The following ANKRD45 variants were observed in gnomAD, a reference collection of about 807,000 sequenced individuals.
The protein encoded by ANKRD45 is ankyrin repeat domain 45.
A neutral mutation model predicts 28.1 loss-of-function variants in ANKRD45; 21 were observed. That is an observed-to-expected ratio of 0.75 (90% CI 0.53 to 1.08). The LOEUF is 1.08. Ranked by LOEUF, ANKRD45 falls within the 50% of genes least tolerant of loss-of-function variation. ANKRD45 has a pLI of 0.00. For synonymous variants in ANKRD45, 86 were observed against 103.9 expected (o/e 0.83, Z 1.05); for missense variants, 261 against 308.7 (o/e 0.85, Z 1.16).
intron 3 of ANKRD45, among the ~76,000 whole-genome samples, chr1:173,641,948 G>A (rs999895479): frequency 6.6e-6 from 1 of 152,212 alleles, no homozygotes; most frequent in Non-Finnish European, 1.5e-5. Context: ...AGGGATAGCT[G>A]AGCAAATAAG....
chr1:173,706,485 C>T, the ANKRD45 span, among the ~76,000 whole-genome samples: 38 of 151,538 alleles, frequency 2.5e-4, no homozygotes, highest in African/African-American at 8.7e-4. Context: ...ATTACAGGTG[C>T]CCACGACCAT....
At chr1:173,623,882 T>C (rs777845819) in intron 5 of ANKRD45, among the ~76,000 whole-genome samples, 2 of 143,762 alleles carry the variant, frequency 1.4e-5, no homozygotes, top group Admixed American at 7.6e-5. Context: ...CACTGTATGT[T>C]CTCACTTGTA....
chr1:173,712,274 A>G, the ANKRD45 span, among the ~76,000 whole-genome samples: 1 of 152,152 alleles, frequency 6.6e-6, no homozygotes, highest in African/African-American at 2.4e-5. Context: ...ACCAACAAAA[A>G]CCCTCAAACA....
At chr1:173,688,228 G>T in the ANKRD45 span, among the ~76,000 whole-genome samples, 1 of 151,952 alleles carries the variant, frequency 6.6e-6, no homozygotes, top group Non-Finnish European at 1.5e-5. Context: ...ACCAATTATG[G>T]GTTTTTAATT....
chr1:173,695,482 A>G, the ANKRD45 span, among the ~76,000 whole-genome samples: 3 of 152,052 alleles, frequency 2.0e-5, no homozygotes, highest in Non-Finnish European at 4.4e-5. Context: ...GTGTTAATTC[A>G]CTTAGGATAT....
chr1:173,702,931 G>T, the ANKRD45 span, among the ~76,000 whole-genome samples: 2 of 151,910 alleles, frequency 1.3e-5, no homozygotes, highest in African/African-American at 4.8e-5. Flanking sequence ...TTGCTATGCT[G>T]CCCAGGCTTG....
chr1:173,706,721 C>CT, the ANKRD45 span, among the ~76,000 whole-genome samples: 6 of 152,102 alleles, frequency 3.9e-5, no homozygotes, highest in African/African-American at 1.4e-4. Flanking sequence ...TAATAAGAGT[C>CT]TTTTAGATTC....
chr1:173,693,363 T>C, the ANKRD45 span, among the ~76,000 whole-genome samples: 15 of 152,228 alleles, frequency 9.9e-5, no homozygotes, highest in African/African-American at 3.6e-4. Context: ...TGTTATTCTT[T>C]GTTATTCTTT....
intron 5 of ANKRD45, among the ~76,000 whole-genome samples, chr1:173,611,352 T>C (rs1261259738): frequency 6.6e-6 from 1 of 152,184 alleles, no homozygotes; most frequent in African/African-American, 2.4e-5. Context: ...ACAAACTAAG[T>C]GGTAGGCTCC....
At chr1:173,710,662 A>T in the ANKRD45 span, among the ~76,000 whole-genome samples, 476 of 152,228 alleles carry the variant, frequency 3.1e-3, 2 homozygotes, top group African/African-American at 0.011. Flanking sequence ...TTGCCCTTTA[A>T]TGCACATGCT....
the ANKRD45 span, among the ~76,000 whole-genome samples, chr1:173,697,798 C>T: frequency 1.3e-5 from 2 of 152,150 alleles, no homozygotes; most frequent in African/African-American, 4.8e-5. Flanking sequence ...ATGACAGGAT[C>T]AAATTCACAC....
chr1:173,669,058 T>C (rs1292916160), intron 1 of ANKRD45, among the ~76,000 whole-genome samples: 2 of 152,158 alleles, frequency 1.3e-5, no homozygotes, highest in Non-Finnish European at 2.9e-5. Flanking sequence ...ATCACATAGG[T>C]CATAGCACCT....
At chr1:173,671,627 T>C (rs997978260), upstream of ANKRD45, among the ~76,000 whole-genome samples, 2 of 151,766 alleles carry the variant, frequency 1.3e-5, no homozygotes, top group African/African-American at 4.8e-5. Context: ...TCCCAGCATT[T>C]TGGGAGGCCA....
chr1:173,610,025 A>G lies in ANKRD45; in HGVS notation c.*120T>C. ...GAACAGGTCAAACAAAACAAGGGCG[A>G]TGTAATGTTGTACTTAAATACTTAA... On this transcript the variant is annotated 3_prime_UTR_variant, in exon 6 of 6. Transcript: ENST00000333279. 9.8e-7 allele frequency: 1 copy of G among 1,020,298 alleles called. No homozygotes were observed. Among genetic ancestry groups the G allele is most frequent in the Non-Finnish European group, 1.5e-6 (1 of 668,790 alleles). 63.2% of individuals were successfully genotyped at this position (1,020,298 alleles called of 1,614,324 possible). A position where few individuals can be genotyped will look rare whatever the true frequency, so the allele number is the denominator to read the frequency against.
chr1:173,654,004 C>T (rs1348758966), intron 2 of ANKRD45, among the ~76,000 whole-genome samples: 1,681 of 148,938 alleles, frequency 0.011, 43 homozygotes, highest in African/African-American at 0.04. Context: ...TGTGTCTCTG[C>T]ACATGAGATG....
intron 5 of ANKRD45, among the ~76,000 whole-genome samples, chr1:173,621,625 C>A (rs745540370): frequency 6.6e-6 from 1 of 152,078 alleles, no homozygotes; most frequent in African/African-American, 2.4e-5. Context: ...GTTAAAAATT[C>A]TCAATAAACT....
At chr1:173,640,598 T>C (rs1156694426) in intron 3 of ANKRD45, among the ~76,000 whole-genome samples, 1 of 152,224 alleles carries the variant, frequency 6.6e-6, no homozygotes, top group Non-Finnish European at 1.5e-5. Context: ...GTTATTAATG[T>C]AACTAAGTCT....
chr1:173,688,504 C>CTGCCTCTTCCTCTT, the ANKRD45 span, among the ~76,000 whole-genome samples: 1 of 148,210 alleles, frequency 6.7e-6, no homozygotes, highest in African/African-American at 2.5e-5. Flanking sequence ...CTTCCTCTCT[C>CTGCCTCTTCCTCTT]TGCCTCTTCC....
Position 173,609,151 on chromosome 1 carries a change from T to A in ANKRD45, c.*994A>T, listed in dbSNP as rs1272850979. Among the ~76,000 whole-genome samples the A allele has an allele frequency of 6.6e-6, 1 of 152,070 alleles. No individual in the cohort carries two copies. The highest frequency in any genetic ancestry group is 2.4e-5 in the African/African-American group (1 of 41,420). On this transcript the variant is annotated 3_prime_UTR_variant, in exon 6 of 6. Coordinates refer to ENST00000333279, the MANE Select transcript of ANKRD45 (RefSeq NM_198493.3). ...CTGAATTGCTCATACATTAAAAGGA[T>A]AAAAAACTAAAAACTTTGGGAGACA...
Sources: gnomAD v4.1 joint callset for allele counts (sites outside exome capture counted in the v4.1 genomes callset) on GRCh38, gnomAD v4.1.1 for gene constraint, MANE v1.5 for transcripts, NCBI Gene and HGNC (gene_info 2026-07-23, HGNC 2026-07-21) for gene names.